ETV6: variants seen among roughly 807,000 people sequenced by gnomAD.
ETV6 encodes the protein ETS variant transcription factor 6.
ETV6 carries 16 observed loss-of-function variants against 51.1 expected under a neutral mutation model. The observed-to-expected ratio is 0.31, with a 90% CI of 0.21 to 0.48. ETV6 has a LOEUF of 0.48. Among genes scored for constraint, ETV6 ranks in the 20% least tolerant of loss-of-function variants. The pLI is 0.99. For missense variants in ETV6, 458 were observed against 594.8 expected, an observed-to-expected ratio of 0.77 and a Z score of 2.39; for synonymous variants, 240 against 224.1, an observed-to-expected ratio of 1.07 and a Z score of -0.64.
chr12:11,890,851 G>T, intron 7 of ETV6, 90 bp from the exon 8 acceptor site: 1 of 961,294 alleles, frequency 1.0e-6, no homozygotes. Flanking sequence ...TAAGATGATG[G>T]AGTCTTTCTT....
At chr12:11,825,624 A>C (rs1565540637) in intron 2 of ETV6, 1 of 152,190 alleles carries the variant, frequency 6.6e-6, no homozygotes, top group Non-Finnish European at 1.5e-5. Flanking sequence ...AGCCATTCTC[A>C]AATTAGGTCT....
At chr12:11,687,097 G>A (rs987798445) in intron 1 of ETV6, among the ~76,000 whole-genome samples, 2 of 152,110 alleles carry the variant, frequency 1.3e-5, no homozygotes, top group South Asian at 2.1e-4. Context: ...TGTTGGTGAG[G>A]CTGGTCTCAA....
intron 7 of ETV6, 78 bp downstream of exon 7, chr12:11,886,104 G>T (rs192411478): frequency 9.9e-7 from 1 of 1,013,612 alleles, no homozygotes; most frequent in Admixed American, 1.8e-5. Flanking sequence ...GGGGGAGACT[G>T]TTAAGATCTC....
chr12:11,704,085 TG>T (rs549064074), intron 1 of ETV6, among the ~76,000 whole-genome samples: 175 of 152,376 alleles, frequency 1.1e-3, no homozygotes, highest in African/African-American at 4.1e-3. Flanking sequence ...GCATGTATTT[TG>T]TCTGTTTACT....
intron 2 of ETV6, among the ~76,000 whole-genome samples, chr12:11,753,102 CTT>C (rs888032159): frequency 1.3e-5 from 2 of 152,020 alleles, no homozygotes; most frequent in Admixed American, 6.6e-5. Flanking sequence ...GGTCCTCTCT[CTT>C]GCCTCCTCTT....
intron 1 of ETV6, among the ~76,000 whole-genome samples, chr12:11,719,139 G>A (rs897859277): frequency 6.6e-6 from 1 of 152,214 alleles, no homozygotes; most frequent in African/African-American, 2.4e-5. Context: ...TAGTGAGGCC[G>A]CTGGGGAGAG....
chr12:11,783,422 A>AGGG (rs1047220273), intron 2 of ETV6, among the ~76,000 whole-genome samples: 1 of 152,122 alleles, frequency 6.6e-6, no homozygotes, highest in African/African-American at 2.4e-5. Context: ...GCAGGTGGAA[A>AGGG]CCTGATTGCT....
chr12:11,749,167 G>C (rs1865964479), intron 1 of ETV6, among the ~76,000 whole-genome samples: 1 of 151,932 alleles, frequency 6.6e-6, no homozygotes, highest in Non-Finnish European at 1.5e-5. Flanking sequence ...TCACATCATT[G>C]ACCTCCACCA....
At chr12:11,686,747 G>C (rs1045160475) in intron 1 of ETV6, among the ~76,000 whole-genome samples, 1 of 151,936 alleles carries the variant, frequency 6.6e-6, no homozygotes, top group Admixed American at 6.6e-5. Context: ...GGCTGGTCTC[G>C]AACCCCTGAC....
chr12:11,676,118 TG>T (rs1286343759), intron 1 of ETV6, among the ~76,000 whole-genome samples: 1 of 152,186 alleles, frequency 6.6e-6, no homozygotes, highest in Non-Finnish European at 1.5e-5. Context: ...CAGTTTGGAA[TG>T]GGCCCTGCCT....
intron 4 of ETV6, among the ~76,000 whole-genome samples, chr12:11,867,049 G>C (rs750014371): frequency 6.6e-6 from 1 of 152,192 alleles, no homozygotes; most frequent in African/African-American, 2.4e-5. Flanking sequence ...CAGGGGGAAA[G>C]CTGTTTAAAT....
intron 1 of ETV6, among the ~76,000 whole-genome samples, chr12:11,716,061 G>A (rs1865269277): frequency 6.6e-6 from 1 of 152,138 alleles, no homozygotes; most frequent in African/African-American, 2.4e-5. Flanking sequence ...TATTACCCTT[G>A]TGTTTAAGAC....
intron 1 of ETV6, among the ~76,000 whole-genome samples, chr12:11,719,092 T>C (rs1865332018): frequency 6.6e-6 from 1 of 152,182 alleles, no homozygotes; most frequent in Non-Finnish European, 1.5e-5. Flanking sequence ...TCAAAGCTGT[T>C]GAAGCTGCCC....
intron 1 of ETV6, among the ~76,000 whole-genome samples, chr12:11,726,245 G>A (rs1865485981): frequency 6.6e-6 from 1 of 152,218 alleles, no homozygotes; most frequent in African/African-American, 2.4e-5. Flanking sequence ...AAGAAGGAGT[G>A]TGAGGAGCTG....
intron 2 of ETV6, among the ~76,000 whole-genome samples, chr12:11,831,531 T>C (rs1249559146): frequency 6.6e-6 from 1 of 152,194 alleles, no homozygotes; most frequent in Non-Finnish European, 1.5e-5. Flanking sequence ...AGCCCTTAAA[T>C]AGTTTTTTAA....
intron 2 of ETV6, among the ~76,000 whole-genome samples, chr12:11,832,431 G>C (rs1946258075): frequency 6.6e-6 from 1 of 152,228 alleles, no homozygotes; most frequent in Admixed American, 6.5e-5. Context: ...AGGGGTGAAA[G>C]ATAAGCCACT....
At chr12:11,839,753 A>T (rs534853370) in intron 3 of ETV6, among the ~76,000 whole-genome samples, 86 of 152,206 alleles carry the variant, frequency 5.7e-4, no homozygotes, top group African/African-American at 1.8e-3. Context: ...GGTGGTGTAC[A>T]CCTGTAGTCC....
At chr12:11,765,696 C>T (rs1441318095) in intron 2 of ETV6, among the ~76,000 whole-genome samples, 5 of 151,692 alleles carry the variant, frequency 3.3e-5, no homozygotes, top group African/African-American at 9.7e-5. Context: ...ACTTAAAATC[C>T]TCAGTGGGAA....
intron 1 of ETV6, among the ~76,000 whole-genome samples, chr12:11,711,319 C>G (rs1865167514): frequency 1.3e-5 from 2 of 152,194 alleles, no homozygotes; most frequent in South Asian, 2.1e-4. Context: ...TGGAGTCTCA[C>G]TCAGTTGTTT....
Sources: gnomAD v4.1 joint callset for allele counts (sites outside exome capture counted in the v4.1 genomes callset) on GRCh38, gnomAD v4.1.1 for gene constraint, MANE v1.5 for transcripts, NCBI Gene and HGNC (gene_info 2026-07-23, HGNC 2026-07-21) for gene names.